The following RBFOX1 variants were observed in gnomAD, a reference collection of about 807,000 sequenced individuals.
RBFOX1 encodes RNA binding fox-1 homolog 1, also known as RNA binding protein fox-1 homolog 1.
In RBFOX1, 8 loss-of-function variants were observed where a neutral mutation model predicts 57.7. That is an observed-to-expected ratio of 0.14 (90% confidence interval 0.08 to 0.25). The LOEUF is 0.25. RBFOX1 is among the 10% of genes least tolerant of loss of function. The probability of loss-of-function intolerance (pLI) is 1.00; values close to 1 mark genes in which losing one functional copy is unlikely to be tolerated. For missense variants in RBFOX1, 611 were observed against 548.5 expected (o/e 1.11, Z -1.14); for synonymous variants, 326 against 222.4 (o/e 1.47, Z -4.15).
intron 2 of RBFOX1, among the ~76,000 whole-genome samples, chr16:6,371,856 A>C (rs1472609904): frequency 1.3e-5 from 2 of 152,150 alleles, no homozygotes; most frequent in African/African-American, 4.8e-5. Context: ...CTAGGTTAAA[A>C]TTTCCCTGCC....
Position 7,029,069 on chromosome 16 carries a change from T to C in RBFOX1, c.-15-22988T>C, listed in dbSNP as rs13339276. Reference sequence around the variant, plus strand: ...AGCTATATATATATATATATATATATATATATATATATACACACACACACA... The same window carrying C: ...AGCTATATATATATATATATATATACATATATATATATACACACACACACA... On this transcript the variant is annotated intron_variant, in intron 3 of 15. Transcript: ENST00000550418. 4.5e-3 allele frequency among the ~76,000 whole-genome samples: 251 copies of C among 55,580 alleles called. 30 individuals carry two copies. The highest frequency in any genetic ancestry group is 9.3e-3 in the East Asian group (16 of 1,722). 36.5% of individuals were successfully genotyped at this position (55,580 alleles called of 152,430 possible).
intron 2 of RBFOX1, among the ~76,000 whole-genome samples, chr16:6,510,508 C>T (rs1428554396): frequency 6.6e-6 from 1 of 152,200 alleles, no homozygotes; most frequent in Non-Finnish European, 1.5e-5. Context: ...GCACAGATGA[C>T]AACACATTAT....
At chr16:6,558,148 T>G (rs1301991831) in intron 2 of RBFOX1, among the ~76,000 whole-genome samples, 1 of 152,194 alleles carries the variant, frequency 6.6e-6, no homozygotes, top group African/African-American at 2.4e-5. Flanking sequence ...AAATATCGGT[T>G]GCCCAGAAGC....
chr16:6,078,703 G>T (rs1474448286), intron 1 of RBFOX1, among the ~76,000 whole-genome samples: 1 of 152,202 alleles, frequency 6.6e-6, no homozygotes, highest in Non-Finnish European at 1.5e-5. Flanking sequence ...CACCCTGCAC[G>T]TAGCAAGGGT....
chr16:5,383,572 T>C (rs982019045), intron 1 of RBFOX1, among the ~76,000 whole-genome samples: 6 of 152,174 alleles, frequency 3.9e-5, no homozygotes, highest in Non-Finnish European at 7.3e-5. Flanking sequence ...AGTTTCTCTG[T>C]TTGTGAAATG....
intron 3 of RBFOX1, among the ~76,000 whole-genome samples, chr16:7,024,301 T>C (rs1207231227): frequency 6.6e-6 from 1 of 152,276 alleles, no homozygotes; most frequent in African/African-American, 2.4e-5. Flanking sequence ...GAGAGCCTGG[T>C]TCTGTGACAT....
intron 3 of RBFOX1, among the ~76,000 whole-genome samples, chr16:5,810,998 T>A (rs1345767362): frequency 1.3e-5 from 2 of 152,136 alleles, no homozygotes; most frequent in African/African-American, 4.8e-5. Context: ...ATCACTCCAA[T>A]GGGTTTGTTT....
chr16:5,316,493 C>A (rs1258824393), intron 1 of RBFOX1, among the ~76,000 whole-genome samples: 2 of 152,174 alleles, frequency 1.3e-5, no homozygotes, highest in Non-Finnish European at 2.9e-5. Flanking sequence ...TATGAGAACA[C>A]CCCCTCCACA....
intron 4 of RBFOX1, among the ~76,000 whole-genome samples, chr16:7,214,961 C>G (rs2091789161): frequency 6.6e-6 from 1 of 152,078 alleles, no homozygotes; most frequent in Admixed American, 6.5e-5. Flanking sequence ...CATAGGTGTC[C>G]ACGTGCCATG....
At chr16:5,806,973 A>T (rs2055250869) in intron 3 of RBFOX1, among the ~76,000 whole-genome samples, 1 of 152,296 alleles carries the variant, frequency 6.6e-6, no homozygotes, top group South Asian at 2.1e-4. Flanking sequence ...AATAGTTAGA[A>T]AAATGTCTTG....
intron 4 of RBFOX1, among the ~76,000 whole-genome samples, chr16:7,154,694 TGTG>T (rs1567484945): frequency 5.7e-5 from 2 of 34,806 alleles, no homozygotes; most frequent in East Asian, 3.8e-3. Context: ...TTTGTGTGTG[TGTG>T]TGTGTGTGTG....
intron 14 of RBFOX1, among the ~76,000 whole-genome samples, chr16:7,692,081 CAT>C (rs1422150655): frequency 6.6e-6 from 1 of 152,082 alleles, no homozygotes; most frequent in East Asian, 1.9e-4. Context: ...GCTCCTCTAA[CAT>C]AGGGAATCTG....
In RBFOX1 at chr16:7,709,057, T is replaced by A. The variant is rs2083423615; in HGVS notation, c.997T>A (p.Tyr333Asn). ...PATAAAYSDS[Y>N]GRVYAADPYH... is the part of the protein sequence containing the mutation. ...TCTTCACCTCTATTTTCCTTTCAGT[T>A]ACGGACGAGTTTATGCTGCCGACCC... Residue 333 changes from tyrosine to asparagine, a missense_variant and splice_region_variant, in exon 15 of 16, where the codon TAC becomes AAC. By Grantham distance (143) the Tyr-to-Asn change is moderately radical. Around this residue, in one of 3 missense-constraint regions of RBFOX1, gnomAD observed 267 missense variants for 229.1 expected, o/e 1.17. Coordinates refer to ENST00000550418, the MANE Select transcript of RBFOX1 (RefSeq NM_018723.4). 2 of 1,612,860 alleles carry A rather than the reference T, an allele frequency of 1.2e-6. No homozygotes were observed. The highest frequency in any genetic ancestry group is 1.7e-6 in the Non-Finnish European group (2 of 1,178,906).
At chr16:6,812,191 C>T (rs549038970) in intron 3 of RBFOX1, among the ~76,000 whole-genome samples, 8 of 152,152 alleles carry the variant, frequency 5.3e-5, no homozygotes, top group Non-Finnish European at 1.2e-4. Context: ...TTTTATTTGT[C>T]CTCCTGTTAG....
At chr16:7,200,320 C>G (rs1006878728) in intron 4 of RBFOX1, among the ~76,000 whole-genome samples, 1 of 152,158 alleles carries the variant, frequency 6.6e-6, no homozygotes, top group Non-Finnish European at 1.5e-5. Context: ...AATGGTGACA[C>G]TAAGTTGGCC....
At chr16:6,893,382 A>T (rs898586267) in intron 3 of RBFOX1, among the ~76,000 whole-genome samples, 6 of 152,168 alleles carry the variant, frequency 3.9e-5, no homozygotes, top group Non-Finnish European at 8.8e-5. Flanking sequence ...AGATAAAAAG[A>T]AGGCTTTCTT....
At chr16:5,547,162 A>G (rs1472009188) in intron 2 of RBFOX1, among the ~76,000 whole-genome samples, 1 of 152,198 alleles carries the variant, frequency 6.6e-6, no homozygotes, top group Non-Finnish European at 1.5e-5. Flanking sequence ...AGAATGTAAA[A>G]TGGTATAACC....
At chr16:6,759,112 G>C (rs1016051990) in intron 3 of RBFOX1, among the ~76,000 whole-genome samples, 23 of 151,570 alleles carry the variant, frequency 1.5e-4, no homozygotes, top group African/African-American at 5.1e-4. Context: ...AGTTGAAATG[G>C]AGTAGAAAAA....
chr16:5,690,053 G>A (rs2050625881), intron 3 of RBFOX1, among the ~76,000 whole-genome samples: 1 of 152,232 alleles, frequency 6.6e-6, no homozygotes, highest in Non-Finnish European at 1.5e-5. Flanking sequence ...GAAGCTGAAG[G>A]AGAGCTGGAC....
Sources: allele counts gnomAD v4.1 joint callset (sites outside exome capture counted in the v4.1 genomes callset), GRCh38; gene constraint gnomAD v4.1.1; regional missense constraint gnomAD v4.1.1; transcripts MANE v1.5; gene names NCBI Gene and HGNC (gene_info 2026-07-23, HGNC 2026-07-21).